DLGAP1: variants seen among roughly 807,000 people sequenced by gnomAD.
The protein encoded by DLGAP1 is disks large-associated protein 1.
A neutral mutation model predicts 90.8 loss-of-function variants in DLGAP1; 11 were observed. The observed-to-expected ratio is 0.12, with a 90% confidence interval of 0.08 to 0.20. The LOEUF is 0.20. Among genes scored for constraint, DLGAP1 ranks in the 10% least tolerant of loss-of-function variants. The pLI is 1.00. For missense variants in DLGAP1, 1,050 were observed against 1,333.8 expected (o/e 0.79, Z 3.31); for synonymous variants, 558 against 540.7 (o/e 1.03, Z -0.44).
chr18:4,402,559 G>A (rs1414307746), intron 1 of DLGAP1, among the ~76,000 whole-genome samples: 1 of 152,244 alleles, frequency 6.6e-6, no homozygotes, highest in East Asian at 1.9e-4. Flanking sequence ...AGGGTGAAAT[G>A]ACATTTTCAA....
intron 10 of DLGAP1, among the ~76,000 whole-genome samples, chr18:3,515,376 A>C (rs1436971123): frequency 3.1e-5 from 4 of 127,952 alleles, no homozygotes; most frequent in Non-Finnish European, 6.7e-5. Flanking sequence ...AGGCTGAGGC[A>C]GGAGAATGGC....
At position 3,501,375 on chromosome 18, in the gene DLGAP1, T is replaced by C. The variant is rs997745893; in HGVS notation, c.2724+1118A>G. Among the ~76,000 whole-genome samples, 2 of 152,178 alleles carry C rather than the reference T, an allele frequency of 1.3e-5. 1 individual carries two copies. The highest frequency in any genetic ancestry group is 2.9e-5 in the Non-Finnish European group (2 of 68,028). Reference sequence around the variant, plus strand: ...AAACACAGATTAAAGAAAACTAGATTGGGTACAAATGTTTGGCTTCCCAAG... The same window carrying C: ...AAACACAGATTAAAGAAAACTAGATCGGGTACAAATGTTTGGCTTCCCAAG... On this transcript the variant is annotated intron_variant, in intron 12 of 12. Coordinates refer to ENST00000315677, the MANE Select transcript of DLGAP1 (RefSeq NM_004746.4).
At chr18:4,364,819 TG>T (rs1013560948) in intron 1 of DLGAP1, among the ~76,000 whole-genome samples, 1 of 152,152 alleles carries the variant, frequency 6.6e-6, no homozygotes, top group African/African-American at 2.4e-5. Flanking sequence ...CTCTTAACAC[TG>T]CCTTAGCTGT....
chr18:3,888,130 AAAAAG>A (rs1732695715), intron 3 of DLGAP1, among the ~76,000 whole-genome samples: 1 of 150,836 alleles, frequency 6.6e-6, no homozygotes, highest in Admixed American at 6.6e-5. Flanking sequence ...AAAAAAAAAA[AAAAAG>A]AAGTAAACAG....
chr18:4,168,277 A>C (rs1319767614), intron 1 of DLGAP1, among the ~76,000 whole-genome samples: 1 of 152,224 alleles, frequency 6.6e-6, no homozygotes, highest in African/African-American at 2.4e-5. Context: ...ACCCAGAAAT[A>C]GGTCCTCAAA....
chr18:3,901,665 T>C (rs1409675910), intron 3 of DLGAP1, among the ~76,000 whole-genome samples: 1 of 152,086 alleles, frequency 6.6e-6, no homozygotes, highest in Non-Finnish European at 1.5e-5. Context: ...CTACATGGGG[T>C]ATTTTCACTT....
chr18:4,306,426 AGTGTGTGTGTGT>A (rs60225266), intron 1 of DLGAP1, among the ~76,000 whole-genome samples: 1,519 of 130,422 alleles, frequency 0.012, 10 homozygotes, highest in African/African-American at 0.013. Flanking sequence ...AGAAAGTAAG[AGTGTGTGTGTGT>A]GTGTGTGTGT....
In DLGAP1 at chr18:3,506,815, G is replaced by GC. The variant is rs762337132; in HGVS notation, c.2571+1754_2571+1755insG. On this transcript the variant is annotated intron_variant, in intron 11 of 12. Coordinates refer to ENST00000315677, the MANE Select transcript of DLGAP1 (RefSeq NM_004746.4). Reference sequence around the variant, plus strand: ...CAGAGAATCATGTTAATTGAGATCTGTGACACATTAGCAAGTTTGCAAATT... The same window carrying GC: ...CAGAGAATCATGTTAATTGAGATCTGCTGACACATTAGCAAGTTTGCAAATT... 2.0e-3 allele frequency among the ~76,000 whole-genome samples: 304 copies of GC among 152,268 alleles called. 5 individuals carry two copies. Among genetic ancestry groups the GC allele is most frequent in the East Asian group, 1.3e-3 (7 of 5,190 alleles).
intron 1 of DLGAP1, among the ~76,000 whole-genome samples, chr18:4,405,056 T>C (rs2082634474): frequency 6.6e-6 from 1 of 152,206 alleles, no homozygotes; most frequent in Admixed American, 6.5e-5. Flanking sequence ...TACTTAAGTT[T>C]AAGTACATTC....
chr18:4,202,893 A>G (rs1220972188), intron 1 of DLGAP1, among the ~76,000 whole-genome samples: 1 of 152,188 alleles, frequency 6.6e-6, no homozygotes, highest in Non-Finnish European at 1.5e-5. Flanking sequence ...CAGTAAAATG[A>G]TAATTTAAAT....
At chr18:4,049,934 CCAT>C (rs2075109198) in intron 2 of DLGAP1, among the ~76,000 whole-genome samples, 2 of 151,352 alleles carry the variant, frequency 1.3e-5, no homozygotes, top group Non-Finnish European at 3.0e-5. Flanking sequence ...ATCCATCCAT[CCAT>C]CCATCCATCC....
At chr18:3,630,054 T>C (rs750992476) in intron 7 of DLGAP1, among the ~76,000 whole-genome samples, 37 of 152,314 alleles carry the variant, frequency 2.4e-4, no homozygotes, top group African/African-American at 8.2e-4. Context: ...TGTGTCAACT[T>C]GACTGGGCCA....
At position 4,394,014 on chromosome 18, in the gene DLGAP1, TACTGTCCATGGC is replaced by T. The variant is rs2082390847; in HGVS notation, c.-267+60980_-267+60991del. Among the ~76,000 whole-genome samples, 3 of 152,318 alleles carry T rather than the reference TACTGTCCATGGC, an allele frequency of 2.0e-5. No homozygotes were observed. In the South Asian group the frequency reaches 6.2e-4, roughly 32 times the overall value. On this transcript the variant is annotated intron_variant, in intron 1 of 12. Coordinates refer to ENST00000315677, the MANE Select transcript of DLGAP1 (RefSeq NM_004746.4). ...AGGTTCCTAACTGGCCAGGGACTGG[TACTGTCCATGGC>T]AGAGGGGTTGGGGATCCCTGCTCTA... is the stretch of plus-strand genomic sequence containing the variant.
At chr18:3,512,528 GGCCTGGGTTAGT>G (rs2050602351) in intron 10 of DLGAP1, among the ~76,000 whole-genome samples, 1 of 152,180 alleles carries the variant, frequency 6.6e-6, no homozygotes, top group Non-Finnish European at 1.5e-5. Flanking sequence ...AGAGAGTACA[GGCCTGGGTTAGT>G]GAATCACATA....
chr18:3,863,069 A>T (rs1457989700), intron 4 of DLGAP1, among the ~76,000 whole-genome samples: 1 of 152,260 alleles, frequency 6.6e-6, no homozygotes, highest in Non-Finnish European at 1.5e-5. Context: ...GTGATGACGG[A>T]AATGTTGATT....
intron 1 of DLGAP1, among the ~76,000 whole-genome samples, chr18:4,215,985 T>A (rs2077946031): frequency 1.3e-5 from 2 of 152,092 alleles, no homozygotes; most frequent in South Asian, 4.1e-4. Flanking sequence ...ATGTATTGCA[T>A]CCTTTAAATT....
chr18:4,310,950 T>G (rs2080384215), intron 1 of DLGAP1, among the ~76,000 whole-genome samples: 1 of 152,206 alleles, frequency 6.6e-6, no homozygotes, highest in African/African-American at 2.4e-5. Context: ...CAGAACACCT[T>G]AGTAATTCTC....
chr18:3,932,450 G>A (rs904217252), intron 3 of DLGAP1, among the ~76,000 whole-genome samples: 4 of 152,230 alleles, frequency 2.6e-5, no homozygotes, highest in African/African-American at 7.2e-5. Flanking sequence ...ATGAAGCTGT[G>A]ATTTCAGCCT....
intron 2 of DLGAP1, among the ~76,000 whole-genome samples, chr18:4,052,222 C>G (rs919229726): frequency 6.6e-6 from 1 of 152,222 alleles, no homozygotes; most frequent in Non-Finnish European, 1.5e-5. Context: ...GGGACTCTAA[C>G]CCCACATTTC....
Sources: gnomAD v4.1 joint callset for allele counts (sites outside exome capture counted in the v4.1 genomes callset) on GRCh38, gnomAD v4.1.1 for gene constraint, MANE v1.5 for transcripts, NCBI Gene and HGNC (gene_info 2026-07-23, HGNC 2026-07-21) for gene names.